The following RORA variants were observed in gnomAD, a reference collection of about 807,000 sequenced individuals.
The protein encoded by RORA is nuclear receptor ROR-alpha.
In RORA, 7 loss-of-function variants were observed where a neutral mutation model predicts 69.5. The ratio of observed to expected loss-of-function variants is 0.10; its 90% confidence interval spans 0.06 to 0.19. RORA has a LOEUF of 0.19. Among genes scored for constraint, RORA ranks in the 10% least tolerant of loss-of-function variants. The pLI is 1.00. For synonymous variants in RORA, 261 were observed against 240.8 expected (o/e 1.08, Z -0.78); for missense variants, 457 against 663.0 (o/e 0.69, Z 3.41).
At chr15:61,023,810 C>G (rs1348189338) in intron 1 of RORA, among the ~76,000 whole-genome samples, 1 of 152,206 alleles carries the variant, frequency 6.6e-6, no homozygotes, top group Non-Finnish European at 1.5e-5. Context: ...TCTTCCTTTT[C>G]ATCATTTCAC....
intron 1 of RORA, among the ~76,000 whole-genome samples, chr15:60,858,713 A>ACACACACACACACACT (rs2073406266): frequency 6.6e-6 from 1 of 151,874 alleles, no homozygotes; most frequent in Non-Finnish European, 1.5e-5. Flanking sequence ...ACACACACAC[A>ACACACACACACACACT]CACACACACA....
intron 1 of RORA, among the ~76,000 whole-genome samples, chr15:60,815,458 T>A (rs1242636310): frequency 1.3e-5 from 2 of 152,056 alleles, no homozygotes; most frequent in Non-Finnish European, 2.9e-5. Context: ...TCTTTCAATC[T>A]CAATTTGCTG....
chr15:60,552,582 C>A (rs1344538808), intron 2 of RORA, among the ~76,000 whole-genome samples: 2 of 152,200 alleles, frequency 1.3e-5, no homozygotes, highest in African/African-American at 2.4e-5. Flanking sequence ...GGAAATCCTA[C>A]CACCTGCTTC....
chr15:61,022,862 C>T (rs1895605863), intron 1 of RORA, among the ~76,000 whole-genome samples: 2 of 151,980 alleles, frequency 1.3e-5, no homozygotes, highest in South Asian at 4.2e-4. Flanking sequence ...TGCAGGGAGG[C>T]AGCAGTATCC....
chr15:60,777,124 G>C (rs1027143423), intron 1 of RORA, among the ~76,000 whole-genome samples: 3 of 152,122 alleles, frequency 2.0e-5, no homozygotes, highest in Admixed American at 6.5e-5. Flanking sequence ...AAAACACCAG[G>C]AGCCCTTTAA....
At position 60,665,885 on chromosome 15, in the gene RORA, G is replaced by T. The variant is rs150358362; in HGVS notation, c.196+12772C>A. On this transcript the variant is annotated intron_variant, in intron 2 of 10. Transcript: ENST00000335670. Reference sequence around the variant, plus strand: ...AGACGGGGTTTCCCCATGTTGGCCGGGCTGGTCTCGAACTCCTGACCTCCA... The same window carrying T: ...AGACGGGGTTTCCCCATGTTGGCCGTGCTGGTCTCGAACTCCTGACCTCCA... 4.3e-3 allele frequency among the ~76,000 whole-genome samples: 661 copies of T among 152,194 alleles called. 4 individuals are homozygous for T. Among genetic ancestry groups the T allele is most frequent in the African/African-American group, 0.015 (642 of 41,504 alleles).
chr15:60,504,785 G>T (rs2065445717), intron 6 of RORA, among the ~76,000 whole-genome samples: 1 of 152,148 alleles, frequency 6.6e-6, no homozygotes, highest in Non-Finnish European at 1.5e-5. Flanking sequence ...TTCAGTTACA[G>T]AATGGTCTGG....
chr15:60,976,206 G>A (rs1047344348), intron 1 of RORA, among the ~76,000 whole-genome samples: 3 of 152,172 alleles, frequency 2.0e-5, no homozygotes, highest in East Asian at 1.9e-4. Flanking sequence ...CAGGAGGGGC[G>A]TTAGAATCCT....
chr15:60,996,740 C>G (rs2140375607), intron 1 of RORA, among the ~76,000 whole-genome samples: 1 of 152,140 alleles, frequency 6.6e-6, no homozygotes, highest in Non-Finnish European at 1.5e-5. Context: ...GAAACCCCGT[C>G]TCTACTAAAA....
intron 2 of RORA, among the ~76,000 whole-genome samples, chr15:60,610,793 T>A (rs1212707291): frequency 1.3e-5 from 2 of 152,098 alleles, no homozygotes; most frequent in Non-Finnish European, 2.9e-5. Flanking sequence ...TAGGACTGTG[T>A]CCAATCCAGG....
chr15:60,997,641 G>T (rs973321357), intron 1 of RORA, among the ~76,000 whole-genome samples: 1 of 152,074 alleles, frequency 6.6e-6, no homozygotes, highest in African/African-American at 2.4e-5. Flanking sequence ...TTCTTAGAAA[G>T]CACCCATGTA....
intron 1 of RORA, among the ~76,000 whole-genome samples, chr15:61,089,098 AC>A (rs2078667316): frequency 6.6e-6 from 1 of 152,222 alleles, no homozygotes; most frequent in Admixed American, 6.5e-5. Flanking sequence ...CTTCTGACAT[AC>A]CAGGAGCCAT....
At chr15:61,114,130 A>G (rs2079030369) in intron 1 of RORA, among the ~76,000 whole-genome samples, 1 of 152,192 alleles carries the variant, frequency 6.6e-6, no homozygotes, top group Non-Finnish European at 1.5e-5. Flanking sequence ...TAACTGTGAA[A>G]CTGAAAATTT....
intron 1 of RORA, among the ~76,000 whole-genome samples, chr15:60,947,695 A>AG (rs761754938): frequency 2.7e-5 from 3 of 111,084 alleles, no homozygotes; most frequent in Admixed American, 2.6e-4. Flanking sequence ...CAATAAAAAA[A>AG]AAAAAAAAAA....
chr15:60,837,734 C>T (rs1052109995), intron 1 of RORA, among the ~76,000 whole-genome samples: 14 of 152,056 alleles, frequency 9.2e-5, no homozygotes, highest in African/African-American at 3.1e-4. Context: ...TGTCTTCATC[C>T]GCTGTGAAAT....
intron 1 of RORA, among the ~76,000 whole-genome samples, chr15:61,172,282 C>A (rs1187283664): frequency 5.3e-5 from 8 of 152,130 alleles, no homozygotes; most frequent in Non-Finnish European, 1.0e-4. Context: ...AACACTATAG[C>A]CACCCATATA....
chr15:60,866,842 A>ATCTG (rs1055005370), intron 1 of RORA, among the ~76,000 whole-genome samples: 1 of 151,084 alleles, frequency 6.6e-6, no homozygotes, highest in African/African-American at 2.4e-5. Flanking sequence ...CTATCTATCT[A>ATCTG]TCTATCTATC....
At chr15:60,685,034 T>C (rs1460397677) in intron 1 of RORA, among the ~76,000 whole-genome samples, 1 of 152,240 alleles carries the variant, frequency 6.6e-6, no homozygotes, top group Non-Finnish European at 1.5e-5. Flanking sequence ...GCACAGGATA[T>C]AGTACCTCTT....
At chr15:60,663,263 T>C (rs1265265247) in intron 2 of RORA, among the ~76,000 whole-genome samples, 1 of 152,218 alleles carries the variant, frequency 6.6e-6, no homozygotes, top group East Asian at 1.9e-4. Context: ...TTCGTTTATT[T>C]AAGGATACTT....
Sources: gnomAD v4.1 joint callset for allele counts (sites outside exome capture counted in the v4.1 genomes callset) on GRCh38, gnomAD v4.1.1 for gene constraint, MANE v1.5 for transcripts, NCBI Gene and HGNC (gene_info 2026-07-23, HGNC 2026-07-21) for gene names.